Variants in RPE65 observed in about 807,000 individuals in gnomAD.
RPE65 encodes retinoid isomerohydrolase.
A neutral mutation model predicts 68.5 loss-of-function variants in RPE65; 58 were observed. The observed-to-expected ratio is 0.85, with a 90% CI of 0.69 to 1.05. The LOEUF is 1.05. Ranked by LOEUF, RPE65 falls within the 50% of genes least tolerant of loss-of-function variation. RPE65 has a pLI of 0.00. For synonymous variants in RPE65, 220 were observed against 222.2 expected, an observed-to-expected ratio of 0.99 and a Z score of 0.09; for missense variants, 643 against 629.9, an observed-to-expected ratio of 1.02 and a Z score of -0.22.
At chr1:68,445,252 C>G (rs1194215938) in intron 3 of RPE65, among the ~76,000 whole-genome samples, 1 of 152,162 alleles carries the variant, frequency 6.6e-6, no homozygotes, top group East Asian at 1.9e-4. Flanking sequence ...CCACCCCCAT[C>G]ACCTATAACC....
Position 68,429,713 on chromosome 1 carries a change from AT to A in RPE65, c.*62del. On this transcript the variant is annotated 3_prime_UTR_variant, in exon 14 of 14. Transcript: ENST00000262340. ...GCAGGCTAAAATTGAACAGAATTTG[AT>A]TGCAGACCTGAAGCTGATTTTCTCA... 1.2e-6 allele frequency: 2 copies of A among 1,603,330 alleles called. No homozygotes were observed. The highest frequency in any genetic ancestry group is 1.7e-6 in the Non-Finnish European group (2 of 1,172,008).
Position 68,429,704 on chromosome 1 carries a change from CA to C in RPE65, c.*71del. ...TGACATATAGCAGGCTAAAATTGAA[CA>C]GAATTTGATTGCAGACCTGAAGCTG... On this transcript the variant is annotated 3_prime_UTR_variant, in exon 14 of 14. Coordinates refer to ENST00000262340, the MANE Select transcript of RPE65 (RefSeq NM_000329.3). The C allele has an allele frequency of 6.3e-7, 1 of 1,595,554 alleles. No individual in the cohort carries two copies. Among genetic ancestry groups the C allele is most frequent in the Non-Finnish European group, 8.6e-7 (1 of 1,166,378 alleles).
intron 5 of RPE65, among the ~76,000 whole-genome samples, chr1:68,443,832 A>G (rs190785346): frequency 1.3e-5 from 2 of 152,294 alleles, no homozygotes; most frequent in Admixed American, 6.5e-5. Context: ...GTATCTAAGG[A>G]CTGCTGCATT....
At chr1:68,439,461 C>T (rs575358130) in intron 7 of RPE65, 100 bp downstream of exon 7, 3 of 1,561,076 alleles carry the variant, frequency 1.9e-6, no homozygotes, top group African/African-American at 1.4e-5. Context: ...ATTTAGTTTT[C>T]TGCAAAAAAA....
rs1645898265 is a variant in RPE65 at position 68,440,960 on chromosome 1, G to C, written c.536C>G (p.Ala179Gly). ...CNYVSVNGATAHPHIENDGTV... is the reference protein window; with the variant it reads ...CNYVSVNGATGHPHIENDGTV... ...TCCATCATTTTCAATGTGGGGGTGA[G>C]CAGTGGCCCCATTGACAGAGACATA... The change falls in exon 6 of 14, where the codon GCT becomes GGT. Residue 179 changes from alanine to glycine, a missense_variant. By Grantham distance (60) the Ala-to-Gly change is moderately conservative. Transcript: ENST00000262340. 1 of 1,613,840 alleles carries C rather than the reference G, an allele frequency of 6.2e-7. No homozygotes were observed. Among genetic ancestry groups the C allele is most frequent in the Non-Finnish European group, 8.5e-7 (1 of 1,179,930 alleles).
At chr1:68,434,371 A>G (rs1045468630) in intron 10 of RPE65, among the ~76,000 whole-genome samples, 17 of 152,028 alleles carry the variant, frequency 1.1e-4, no homozygotes, top group African/African-American at 4.1e-4. Flanking sequence ...TTTTGGTTAA[A>G]AAAGGAGGTT....
chr1:68,448,600 G>A, intron 2 of RPE65, 24 bp downstream of exon 2: 1 of 1,607,206 alleles, frequency 6.2e-7, no homozygotes, highest in Non-Finnish European at 8.5e-7. Flanking sequence ...AAAAGAGGAT[G>A]GCTTCAAGAT....
At chr1:68,432,279 A>G (rs1242365193) in intron 10 of RPE65, among the ~76,000 whole-genome samples, 1 of 152,074 alleles carries the variant, frequency 6.6e-6, no homozygotes, top group Non-Finnish European at 1.5e-5. Context: ...CATGAAGCCT[A>G]CATTCTAGTT....
chr1:68,448,589 T>TA, intron 2 of RPE65, 35 bp downstream of exon 2: 17 of 1,590,876 alleles, frequency 1.1e-5, no homozygotes, highest in Non-Finnish European at 1.5e-5. Context: ...GAGACTGACA[T>TA]AAAAGAGGAT....
At chr1:68,430,081 G>A (rs1028859092) in intron 13 of RPE65, among the ~76,000 whole-genome samples, 154 bp from the exon 14 acceptor site, 1 of 152,186 alleles carries the variant, frequency 6.6e-6, no homozygotes, top group Non-Finnish European at 1.5e-5. Flanking sequence ...CACCTGGCAT[G>A]AGACCACCTA....
intron 1 of RPE65, among the ~76,000 whole-genome samples, 176 bp from the exon 2 acceptor site, chr1:68,448,882 G>A (rs1444858356): frequency 2.7e-5 from 4 of 147,286 alleles, no homozygotes; most frequent in Non-Finnish European, 6.0e-5. Flanking sequence ...AGGTGAGGGC[G>A]GGAGGAGCAC....
intron 5 of RPE65, 109 bp downstream of exon 5, chr1:68,444,422 T>G (rs1185081572): frequency 7.2e-7 from 1 of 1,385,826 alleles, no homozygotes; most frequent in Admixed American, 1.7e-5. Flanking sequence ...TCATTCTGTG[T>G]GTCCTCATCA....
Position 68,433,379 on chromosome 1 carries a change from T to G in RPE65, c.1129-1794A>C, listed in dbSNP as rs74081904. 8.1e-3 allele frequency among the ~76,000 whole-genome samples: 1,238 copies of G among 152,028 alleles called. 11 individuals are homozygous for G. Among genetic ancestry groups the G allele is most frequent in the African/African-American group, 0.028 (1,157 of 41,448 alleles). Reference sequence around the variant, plus strand: ...GGTGATCTAGGAAAGATGGGGAGAATTGGGAGAGTGATTTCCCTGAGAATG... The same window carrying G: ...GGTGATCTAGGAAAGATGGGGAGAAGTGGGAGAGTGATTTCCCTGAGAATG... On this transcript the variant is annotated intron_variant, in intron 10 of 13. Coordinates refer to ENST00000262340, the MANE Select transcript of RPE65 (RefSeq NM_000329.3).
chr1:68,430,813 A>G (rs901548028), intron 13 of RPE65, among the ~76,000 whole-genome samples: 2 of 152,134 alleles, frequency 1.3e-5, no homozygotes, highest in African/African-American at 4.8e-5. Flanking sequence ...TCCCTCATCT[A>G]GAGCAGACAT....
chr1:68,430,939 T>A, intron 13 of RPE65, 126 bp downstream of exon 13: 1 of 766,920 alleles, frequency 1.3e-6, no homozygotes, highest in Non-Finnish European at 2.3e-6. Flanking sequence ...TCAGTACTGC[T>A]CTATTTATAG....
At chr1:68,442,955 T>C (rs1056392496) in intron 5 of RPE65, among the ~76,000 whole-genome samples, 28 of 152,202 alleles carry the variant, frequency 1.8e-4, no homozygotes, top group African/African-American at 6.0e-4. Flanking sequence ...TTTCTTCTTA[T>C]TTTTACCAGT....
intron 9 of RPE65, among the ~76,000 whole-genome samples, chr1:68,438,526 A>G (rs1400980243): frequency 6.6e-6 from 1 of 152,148 alleles, no homozygotes; most frequent in Non-Finnish European, 1.5e-5. Flanking sequence ...AAGTAACAGC[A>G]GCCTTGAGAT....
At chr1:68,430,062 C>G in intron 13 of RPE65, 135 bp from the exon 14 acceptor site, 1 of 1,126,898 alleles carries the variant, frequency 8.9e-7, no homozygotes, top group Non-Finnish European at 1.3e-6. Flanking sequence ...CTTTTTCTGA[C>G]TCTTGTACCA....
At chr1:68,438,105 T>C in intron 10 of RPE65, 82 bp downstream of exon 10, 4 of 1,547,116 alleles carry the variant, frequency 2.6e-6, no homozygotes, top group Non-Finnish European at 3.6e-6. Flanking sequence ...AGACTTTATG[T>C]ATAAACATGA....
Sources: gnomAD v4.1 joint callset for allele counts (sites outside exome capture counted in the v4.1 genomes callset) on GRCh38, gnomAD v4.1.1 for gene constraint, MANE v1.5 for transcripts, NCBI Gene and HGNC (gene_info 2026-07-23, HGNC 2026-07-21) for gene names.